BTBD10: variants seen among roughly 807,000 people sequenced by gnomAD.
BTBD10 encodes the protein BTB/POZ domain-containing protein 10.
BTBD10 carries 21 observed loss-of-function variants against 53.2 expected under a neutral mutation model. The observed-to-expected ratio is 0.39, with a 90% CI of 0.28 to 0.57. The LOEUF (loss-of-function observed/expected upper bound fraction) is 0.57, where lower values mean the gene tolerates loss of function less well. BTBD10 is among the 20% of genes least tolerant of loss of function. The pLI, the probability that BTBD10 is intolerant of heterozygous loss-of-function variation, is 0.53. For synonymous variants in BTBD10, 149 were observed against 192.7 expected, an observed-to-expected ratio of 0.77 and a Z score of 1.88; for missense variants, 360 against 594.7, an observed-to-expected ratio of 0.61 and a Z score of 4.10.
At chr11:13,415,357 T>C (rs1950077227) in intron 5 of BTBD10, among the ~76,000 whole-genome samples, 1 of 152,200 alleles carries the variant, frequency 6.6e-6, no homozygotes, top group Non-Finnish European at 1.5e-5. Context: ...ACAAACTGCA[T>C]CTGCCGCCTA....
chr11:13,445,230 A>C lies in BTBD10; in HGVS notation c.-57-49T>G, dbSNP rs576405120. The stretch of plus-strand genomic sequence containing the variant: ...CTTTAAATCTATTCCACGCAGAATA[A>C]AATAGTCATAGAATTGTACAGACTT... On this transcript the variant is annotated intron_variant, in intron 1 of 8. Transcript: ENST00000278174. 1.1e-4 allele frequency: 78 copies of C among 685,058 alleles called. No individual in the cohort carries two copies. The African/African-American group carries it at 1.2e-3, about 10-fold the overall frequency. 42.4% of individuals were successfully genotyped at this position (685,058 alleles called of 1,614,324 possible).
At chr11:13,433,345 A>C (rs1444513018) in intron 2 of BTBD10, among the ~76,000 whole-genome samples, 1 of 152,110 alleles carries the variant, frequency 6.6e-6, no homozygotes, top group Non-Finnish European at 1.5e-5. Flanking sequence ...CATACCCTGG[A>C]GTTTGAGTGT....
intron 8 of BTBD10, among the ~76,000 whole-genome samples, chr11:13,390,468 C>T (rs193225282): frequency 6.6e-6 from 1 of 151,916 alleles, no homozygotes; most frequent in South Asian, 2.1e-4. Flanking sequence ...CTCAGCCTCT[C>T]GAGTAGCTGG....
intron 7 of BTBD10, among the ~76,000 whole-genome samples, chr11:13,404,948 T>C (rs1292327712): frequency 6.6e-6 from 1 of 152,166 alleles, no homozygotes; most frequent in Non-Finnish European, 1.5e-5. Context: ...CAACAGACTA[T>C]ATAGTACAGA....
intron 8 of BTBD10, among the ~76,000 whole-genome samples, chr11:13,399,800 A>C (rs1261209665): frequency 6.6e-6 from 1 of 152,106 alleles, no homozygotes; most frequent in Admixed American, 6.5e-5. Context: ...GTTGGAGTTT[A>C]CTGGAGGTCC....
chr11:13,416,410 C>T (rs1950113353), intron 5 of BTBD10, among the ~76,000 whole-genome samples: 1 of 151,880 alleles, frequency 6.6e-6, no homozygotes, highest in Non-Finnish European at 1.5e-5. Context: ...AAGATGTTAA[C>T]AAATACATTT....
chr11:13,401,552 C>T lies in BTBD10; in HGVS notation c.1117+1616G>A, dbSNP rs77721988. ...GAGGATTTAAAGGATGGATAATAGT[C>T]GCCATGTAGAGAAAGAGGAAGTAGA... On this transcript the variant is annotated intron_variant, in intron 8 of 8. Transcript: ENST00000278174. Among the ~76,000 whole-genome samples the T allele has an allele frequency of 6.2e-3, 941 of 151,988 alleles. 14 individuals carry two copies. Among genetic ancestry groups the T allele is most frequent in the African/African-American group, 0.021 (885 of 41,416 alleles).
intron 8 of BTBD10, among the ~76,000 whole-genome samples, chr11:13,396,111 T>C (rs1949545139): frequency 6.6e-6 from 1 of 152,192 alleles, no homozygotes; most frequent in Non-Finnish European, 1.5e-5. Context: ...TGGCATTGAA[T>C]CTGTAAATTA....
chr11:13,456,851 T>C (rs1287303560), intron 1 of BTBD10, among the ~76,000 whole-genome samples: 2 of 152,324 alleles, frequency 1.3e-5, no homozygotes, highest in African/African-American at 2.4e-5. Context: ...AATACTGGCA[T>C]ACACTGCCAA....
At chr11:13,398,724 G>C (rs1279504073) in intron 8 of BTBD10, among the ~76,000 whole-genome samples, 1 of 152,136 alleles carries the variant, frequency 6.6e-6, no homozygotes, top group South Asian at 2.1e-4. Context: ...AGGAGCTCTT[G>C]TAGGGCAGGC....
At position 13,388,824 on chromosome 11, in the gene BTBD10, A is replaced by G. The variant is rs17452383; in HGVS notation, c.*7T>C. ...GTAGCATGCTATGGTTTCAAGGAAG[A>G]TCAGCATCACAGCATTGGATTCTGT... is the stretch of plus-strand genomic sequence containing the variant. On this transcript the variant is annotated 3_prime_UTR_variant, in exon 9 of 9. Coordinates refer to ENST00000278174, the MANE Select transcript of BTBD10 (RefSeq NM_032320.7). 0.12 allele frequency: 193,236 copies of G among 1,604,686 alleles called. 12,242 individuals are homozygous for G. Among genetic ancestry groups the G allele is most frequent in the Non-Finnish European group, 0.13 (153,066 of 1,173,614 alleles).
At chr11:13,405,556 C>A in intron 7 of BTBD10, 103 bp downstream of exon 7, 1 of 1,252,532 alleles carries the variant, frequency 8.0e-7, no homozygotes, top group Non-Finnish European at 1.1e-6. Context: ...AGGTGATGGG[C>A]TGGATTGACC....
intron 3 of BTBD10, 144 bp from the exon 4 acceptor site, chr11:13,419,889 G>C: frequency 1.2e-6 from 1 of 815,138 alleles, no homozygotes; most frequent in African/African-American, 1.8e-5. Flanking sequence ...GATGTTAACA[G>C]AACACCATAA....
intron 8 of BTBD10, among the ~76,000 whole-genome samples, chr11:13,396,974 T>C (rs557284563): frequency 1.4e-4 from 21 of 152,332 alleles, no homozygotes; most frequent in African/African-American, 3.6e-4. Context: ...TGCATCAATG[T>C]TCATCAGGGA....
intron 2 of BTBD10, among the ~76,000 whole-genome samples, chr11:13,430,916 T>G (rs540986911): frequency 2.0e-5 from 3 of 151,560 alleles, no homozygotes; most frequent in Admixed American, 6.6e-5. Flanking sequence ...CAAAGAAGCT[T>G]TTGAGTGTGA....
chr11:13,393,411 G>T (rs1328266613), intron 8 of BTBD10, among the ~76,000 whole-genome samples: 1 of 152,118 alleles, frequency 6.6e-6, no homozygotes. Flanking sequence ...ACTTGGGATT[G>T]GTATGGCAGG....
At chr11:13,461,360 A>G (rs964731520) in intron 1 of BTBD10, among the ~76,000 whole-genome samples, 2 of 152,190 alleles carry the variant, frequency 1.3e-5, no homozygotes, top group African/African-American at 2.4e-5. Flanking sequence ...TGGGGTCCAT[A>G]TTCTTATATA....
chr11:13,449,577 T>G (rs1950815522), intron 1 of BTBD10, among the ~76,000 whole-genome samples: 1 of 152,200 alleles, frequency 6.6e-6, no homozygotes, highest in South Asian at 2.1e-4. Context: ...TCATCCAGCC[T>G]ACTAAAATCT....
Position 13,403,167 on chromosome 11 carries a change from C to A in BTBD10, c.1117+1G>T. The A allele has an allele frequency of 6.8e-7, 1 of 1,466,798 alleles. No individual in the cohort carries two copies. The highest frequency in any genetic ancestry group is 9.2e-7 in the Non-Finnish European group (1 of 1,087,244). The allele number at this position is 1,466,798 out of a possible 1,614,324, so 90.9% of individuals were successfully genotyped here. ...AATAGAAAATAATGAAAATGTCTTACCTTCTATTCCCAATCTAATCTTCTT... is the reference window on the plus strand; with the variant it reads ...AATAGAAAATAATGAAAATGTCTTAACTTCTATTCCCAATCTAATCTTCTT... On this transcript the variant is annotated splice_donor_variant, in intron 8 of 8. Coordinates refer to ENST00000278174, the MANE Select transcript of BTBD10 (RefSeq NM_032320.7). LOFTEE classifies it high-confidence loss of function.
Sources: allele counts gnomAD v4.1 joint callset (sites outside exome capture counted in the v4.1 genomes callset), GRCh38; gene constraint gnomAD v4.1.1; transcripts MANE v1.5; gene names NCBI Gene and HGNC (gene_info 2026-07-23, HGNC 2026-07-21).